ERBB4: variants seen among roughly 807,000 people sequenced by gnomAD.
ERBB4 encodes the protein receptor tyrosine-protein kinase erbB-4.
ERBB4 carries 42 observed loss-of-function variants against 158.0 expected under a neutral mutation model. The observed-to-expected ratio is 0.27, with a 90% confidence interval of 0.21 to 0.34. The LOEUF (loss-of-function observed/expected upper bound fraction) is 0.34. Among genes scored for constraint, ERBB4 ranks in the 10% least tolerant of loss-of-function variants. ERBB4 has a pLI of 1.00. For missense variants in ERBB4, 1,333 were observed against 1,624.1 expected, an observed-to-expected ratio of 0.82 and a Z score of 3.08; for synonymous variants, 583 against 558.7, an observed-to-expected ratio of 1.04 and a Z score of -0.61.
At chr2:212,381,285 T>C (rs1237772751) in intron 1 of ERBB4, among the ~76,000 whole-genome samples, 1 of 151,288 alleles carries the variant, frequency 6.6e-6, no homozygotes, top group African/African-American at 2.4e-5. Flanking sequence ...AAAGAAGCAG[T>C]TGTACCTAAA....
chr2:211,635,420 A>G (rs2125883678), intron 16 of ERBB4, among the ~76,000 whole-genome samples: 1 of 152,320 alleles, frequency 6.6e-6, no homozygotes, highest in East Asian at 1.9e-4. Flanking sequence ...TTGTTTTATA[A>G]AAGAGCAGCA....
intron 1 of ERBB4, among the ~76,000 whole-genome samples, chr2:212,126,760 C>T (rs2079943748): frequency 6.6e-6 from 1 of 152,036 alleles, no homozygotes; most frequent in Non-Finnish European, 1.5e-5. Context: ...GTCTTATATA[C>T]ACAGAAGTAA....
intron 1 of ERBB4, among the ~76,000 whole-genome samples, chr2:212,279,683 A>C (rs2106144958): frequency 6.6e-6 from 1 of 151,772 alleles, no homozygotes; most frequent in South Asian, 2.1e-4. Context: ...CTTCTTCAAA[A>C]AATATGCCAA....
chr2:211,464,267 A>G (rs2064615684), intron 20 of ERBB4, among the ~76,000 whole-genome samples: 1 of 152,308 alleles, frequency 6.6e-6, no homozygotes, highest in South Asian at 2.1e-4. Context: ...TGCCTAGAAC[A>G]TACATAATAG....
chr2:211,864,196 C>G (rs1448109437), intron 3 of ERBB4, among the ~76,000 whole-genome samples: 2 of 152,144 alleles, frequency 1.3e-5, no homozygotes, highest in Non-Finnish European at 2.9e-5. Context: ...GGCCCTTTTT[C>G]CCACCTCTCC....
At chr2:211,978,396 G>A (rs11893374) in intron 2 of ERBB4, among the ~76,000 whole-genome samples, 13,242 of 136,454 alleles carry the variant, frequency 0.097, 673 homozygotes, top group East Asian at 0.12. Context: ...CTGTCTGTCT[G>A]TCTATCTATC....
At chr2:212,455,653 CTAAAG>C (rs1048776573) in intron 1 of ERBB4, among the ~76,000 whole-genome samples, 32 of 152,116 alleles carry the variant, frequency 2.1e-4, no homozygotes, top group African/African-American at 7.2e-4. Flanking sequence ...CTTACTCTTA[CTAAAG>C]TAAAGAAAGA....
Position 211,420,557 on chromosome 2 carries a change from G to C in ERBB4, c.3019C>G (p.Leu1007Val). ...SPNDSKFFQNLLDEEDLEDMM... is the reference protein window; with the variant it reads ...SPNDSKFFQNVLDEEDLEDMM... ...TCTTCCAAATCCTCTTCATCCAAGA[G>C]ATTCTGAAAGAACTTGCTGTCATTT... The change falls in exon 25 of 28, where the codon CTC becomes GTC. Residue 1007 changes from leucine to valine, a missense_variant. Around this residue, in one of 5 missense-constraint regions of ERBB4, gnomAD observed 314 missense variants for 437.6 expected, o/e 0.72. Coordinates refer to ENST00000342788, the MANE Select transcript of ERBB4 (RefSeq NM_005235.3). 1 of 1,612,932 alleles carries C rather than the reference G, an allele frequency of 6.2e-7. No homozygotes were observed. Among genetic ancestry groups the C allele is most frequent in the South Asian group, 1.1e-5 (1 of 91,044 alleles).
intron 1 of ERBB4, among the ~76,000 whole-genome samples, chr2:212,465,167 T>A (rs1688769520): frequency 6.6e-6 from 1 of 152,106 alleles, no homozygotes; most frequent in Non-Finnish European, 1.5e-5. Flanking sequence ...TATATAATTC[T>A]CTCTAGACTT....
chr2:212,376,776 AG>A (rs2090337009), intron 1 of ERBB4, among the ~76,000 whole-genome samples: 1 of 152,080 alleles, frequency 6.6e-6, no homozygotes, highest in East Asian at 1.9e-4. Context: ...CATTTACAAA[AG>A]TGTCTTGACC....
chr2:212,147,157 ATTTTTT>A (rs71397161), intron 1 of ERBB4, among the ~76,000 whole-genome samples: 45 of 34,258 alleles, frequency 1.3e-3, no homozygotes, highest in African/African-American at 5.1e-3. Flanking sequence ...TGCCCAGCTA[ATTTTTT>A]TTTTTTTTTT....
At chr2:211,731,498 C>T (rs1391431199) in intron 5 of ERBB4, among the ~76,000 whole-genome samples, 2 of 152,046 alleles carry the variant, frequency 1.3e-5, no homozygotes, top group Non-Finnish European at 2.9e-5. Context: ...GAATTACTGA[C>T]TATTAGAGGG....
At chr2:211,400,435 G>C (rs752495208) in intron 25 of ERBB4, among the ~76,000 whole-genome samples, 3 of 152,104 alleles carry the variant, frequency 2.0e-5, no homozygotes, top group African/African-American at 7.2e-5. Flanking sequence ...AAAAGTATTT[G>C]CACAGTGACA....
chr2:211,407,421 T>A (rs968776121), intron 25 of ERBB4, among the ~76,000 whole-genome samples: 1 of 150,134 alleles, frequency 6.7e-6, no homozygotes, highest in Non-Finnish European at 1.5e-5. Flanking sequence ...ATAAACACTA[T>A]TTTTTTTTTC....
intron 7 of ERBB4, among the ~76,000 whole-genome samples, chr2:211,715,200 T>A (rs1475306519): frequency 2.0e-5 from 3 of 152,170 alleles, no homozygotes; most frequent in Admixed American, 2.0e-4. Context: ...GAAGAAATAC[T>A]GGAAAATTTG....
At chr2:212,280,472 A>G (rs2085713276) in intron 1 of ERBB4, among the ~76,000 whole-genome samples, 1 of 151,684 alleles carries the variant, frequency 6.6e-6, no homozygotes, top group Non-Finnish European at 1.5e-5. Context: ...TTTTCCCCAA[A>G]GTCAAGCATG....
At chr2:212,439,510 C>T (rs1560324623) in intron 1 of ERBB4, among the ~76,000 whole-genome samples, 2 of 152,022 alleles carry the variant, frequency 1.3e-5, no homozygotes, top group African/African-American at 4.8e-5. Context: ...AAAAAAAAAT[C>T]TACACATTCA....
At chr2:211,988,587 T>C (rs1378737129) in intron 2 of ERBB4, among the ~76,000 whole-genome samples, 2 of 152,070 alleles carry the variant, frequency 1.3e-5, no homozygotes. Flanking sequence ...TGATTCAAGT[T>C]TCTAAATTAT....
In ERBB4 at chr2:211,861,081, TTATAAA is replaced by T. The variant is rs1559585663; in HGVS notation, c.422-72928_422-72923del. On this transcript the variant is annotated intron_variant, in intron 3 of 27. Transcript: ENST00000342788. ...TATATAAATATAATATATTTATATA[TTATAAA>T]ATATATAAATACATTATATATATTT... 1.0e-4 allele frequency among the ~76,000 whole-genome samples: 5 copies of T among 49,938 alleles called. 1 individual carries two copies. The highest frequency in any genetic ancestry group is 6.8e-4 in the South Asian group (1 of 1,464). The allele number at this position is 49,938 out of a possible 152,430, so 32.8% of individuals were successfully genotyped here. A position where few individuals can be genotyped will look rare whatever the true frequency, so the allele number is the denominator to read the frequency against.
Sources: gnomAD v4.1 joint callset for allele counts (sites outside exome capture counted in the v4.1 genomes callset) on GRCh38, gnomAD v4.1.1 for gene constraint, gnomAD v4.1.1 regional missense constraint, MANE v1.5 for transcripts, NCBI Gene and HGNC (gene_info 2026-07-23, HGNC 2026-07-21) for gene names.